GATAD2A: variants seen among roughly 807,000 people sequenced by gnomAD.
GATAD2A encodes the protein transcriptional repressor p66-alpha.
Under a neutral mutation model 68.5 loss-of-function variants are expected in GATAD2A, and 12 were observed. The observed-to-expected ratio is 0.18, with a 90% CI of 0.11 to 0.28. The LOEUF is 0.28. Among genes scored for constraint, GATAD2A ranks in the 10% least tolerant of loss-of-function variants. The pLI, the probability that GATAD2A is intolerant of heterozygous loss-of-function variation, is 1.00. For missense variants in GATAD2A, 755 were observed against 868.5 expected, an observed-to-expected ratio of 0.87 and a Z score of 1.64; for synonymous variants, 410 against 375.3, an observed-to-expected ratio of 1.09 and a Z score of -1.07.
In GATAD2A at chr19:19,466,466, C is replaced by T. The variant is rs554668882; in HGVS notation, c.269+852C>T. ...CTCACCGCCCACTGGAGTCTTCTCCCTGTGGAGGGCCTGTCTCTCCACGCC... is the reference window on the plus strand; with the variant it reads ...CTCACCGCCCACTGGAGTCTTCTCCTTGTGGAGGGCCTGTCTCTCCACGCC... On this transcript the variant is annotated intron_variant, in intron 2 of 11. Coordinates refer to ENST00000683918, the MANE Select transcript of GATAD2A (RefSeq NM_001384528.1). 4.6e-5 allele frequency among the ~76,000 whole-genome samples: 7 copies of T among 152,334 alleles called. No homozygotes were observed. The East Asian group carries it at 1.2e-3, about 25-fold the overall frequency.
At chr19:19,505,204 G>A in intron 11 of GATAD2A, 140 bp from the exon 12 acceptor site, 1 of 697,742 alleles carries the variant, frequency 1.4e-6, no homozygotes, top group Non-Finnish European at 2.5e-6. Context: ...CGTTGATTGA[G>A]GAGTAGTGTG....
chr19:19,490,907 A>G (rs759577630), intron 2 of GATAD2A, among the ~76,000 whole-genome samples: 3 of 152,148 alleles, frequency 2.0e-5, no homozygotes, highest in Admixed American at 6.5e-5. Flanking sequence ...AGAGAATACA[A>G]TGAACCCAGA....
intron 2 of GATAD2A, among the ~76,000 whole-genome samples, chr19:19,486,410 A>G (rs916968797): frequency 2.5e-4 from 38 of 152,192 alleles, no homozygotes; most frequent in Non-Finnish European, 4.6e-4. Flanking sequence ...TCAAGGTTGC[A>G]TCCTGTCAGA....
chr19:19,420,796 C>T (rs1400016604), intron 1 of GATAD2A, among the ~76,000 whole-genome samples: 1 of 151,886 alleles, frequency 6.6e-6, no homozygotes, highest in East Asian at 1.9e-4. Flanking sequence ...GATGACAGTC[C>T]CTCGTATGAG....
intron 1 of GATAD2A, among the ~76,000 whole-genome samples, chr19:19,388,058 C>T (rs756998): frequency 0.69 from 83,095 of 121,012 alleles, 24,986 homozygotes; most frequent in East Asian, 0.78. Flanking sequence ...GCTTCTCCTC[C>T]TTTTTTTTTT....
chr19:19,414,181 T>C (rs750807074), intron 1 of GATAD2A, among the ~76,000 whole-genome samples: 3 of 152,176 alleles, frequency 2.0e-5, no homozygotes, highest in Non-Finnish European at 4.4e-5. Context: ...TGCAGTCTTA[T>C]TGTTAGTTTG....
chr19:19,413,806 A>G (rs1412492936), intron 1 of GATAD2A, among the ~76,000 whole-genome samples: 2 of 152,070 alleles, frequency 1.3e-5, no homozygotes, highest in Non-Finnish European at 1.5e-5. Context: ...GCTGGTCTCG[A>G]ACTCCTGACC....
intron 2 of GATAD2A, among the ~76,000 whole-genome samples, chr19:19,484,138 T>G (rs1203298112): frequency 6.6e-6 from 1 of 152,098 alleles, no homozygotes; most frequent in African/African-American, 2.4e-5. Flanking sequence ...CACAAGATAT[T>G]GCCCGGACTG....
chr19:19,465,124 A>T (rs2057764982), intron 1 of GATAD2A, among the ~76,000 whole-genome samples: 1 of 152,212 alleles, frequency 6.6e-6, no homozygotes, highest in Admixed American at 6.5e-5. Flanking sequence ...TCAGCCACAC[A>T]GTGGAGGCTG....
chr19:19,407,947 G>A (rs149912060), intron 1 of GATAD2A, among the ~76,000 whole-genome samples: 61 of 152,282 alleles, frequency 4.0e-4, no homozygotes, highest in African/African-American at 1.3e-3. Context: ...TATGAAGATT[G>A]CTTCTCATCT....
At chr19:19,421,052 G>A (rs1027593720) in intron 1 of GATAD2A, among the ~76,000 whole-genome samples, 2 of 152,196 alleles carry the variant, frequency 1.3e-5, no homozygotes, top group East Asian at 3.9e-4. Context: ...AACTTTCTCC[G>A]TTGAGGGTCA....
At chr19:19,471,963 G>A (rs1242243806) in intron 2 of GATAD2A, among the ~76,000 whole-genome samples, 2 of 152,238 alleles carry the variant, frequency 1.3e-5, no homozygotes, top group East Asian at 1.9e-4. Context: ...TGGTGCAGTC[G>A]TAGCTCACTG....
chr19:19,420,487 A>G (rs1424352982), intron 1 of GATAD2A, among the ~76,000 whole-genome samples: 1 of 141,666 alleles, frequency 7.1e-6, no homozygotes, highest in Non-Finnish European at 1.5e-5. Flanking sequence ...GCCCGCCACC[A>G]CGCCTGGCCA....
intron 2 of GATAD2A, among the ~76,000 whole-genome samples, chr19:19,484,087 A>G (rs2059248401): frequency 6.6e-6 from 1 of 152,130 alleles, no homozygotes; most frequent in South Asian, 2.1e-4. Flanking sequence ...GAATGCTGCC[A>G]GAATTGTATG....
chr19:19,505,558 C>G lies in GATAD2A; in HGVS notation c.*84C>G. 1 of 1,279,660 alleles carries G rather than the reference C, an allele frequency of 7.8e-7. No homozygotes were observed. Among genetic ancestry groups the G allele is most frequent in the Non-Finnish European group, 1.1e-6 (1 of 943,608 alleles). 79.3% of individuals were successfully genotyped at this position (1,279,660 alleles called of 1,614,324 possible). A position where few individuals can be genotyped will look rare whatever the true frequency, so the allele number is the denominator to read the frequency against. On this transcript the variant is annotated 3_prime_UTR_variant, in exon 12 of 12. Coordinates refer to ENST00000683918, the MANE Select transcript of GATAD2A (RefSeq NM_001384528.1). ...GAAGGACCCACTGCACCACCCTCCG[C>G]TGGCTCGGGAAGACACCGTGCCCGC...
chr19:19,448,971 C>T lies in GATAD2A; in HGVS notation c.-6-16369C>T, dbSNP rs572485619. Among the ~76,000 whole-genome samples the T allele has an allele frequency of 2.0e-5, 3 of 152,250 alleles. No individual in the cohort carries two copies. In the South Asian group the frequency reaches 6.2e-4, roughly 32 times the overall value. ...GCAGCTAATTGTGATCCTTGTGGGGCTCTTTCATGGCCAGTGTGTGGACAC... is the reference window on the plus strand; with the variant it reads ...GCAGCTAATTGTGATCCTTGTGGGGTTCTTTCATGGCCAGTGTGTGGACAC... On this transcript the variant is annotated intron_variant, in intron 1 of 11. Transcript: ENST00000683918.
At chr19:19,437,930 GTA>G (rs1169032383) in intron 1 of GATAD2A, among the ~76,000 whole-genome samples, 1 of 152,162 alleles carries the variant, frequency 6.6e-6, no homozygotes, top group Admixed American at 6.5e-5. Flanking sequence ...GTTCTTCTTA[GTA>G]TATACTTAGG....
At chr19:19,499,476 C>T (rs1317184159) in intron 8 of GATAD2A, among the ~76,000 whole-genome samples, 1 of 151,530 alleles carries the variant, frequency 6.6e-6, no homozygotes, top group Admixed American at 6.6e-5. Context: ...AGCCTCAGAG[C>T]CTTCCCAGCA....
intron 1 of GATAD2A, among the ~76,000 whole-genome samples, chr19:19,421,869 G>A (rs1197076596): frequency 6.6e-6 from 1 of 151,446 alleles, no homozygotes; most frequent in East Asian, 1.9e-4. Context: ...CCCAGGCTGG[G>A]AGTGTGCAGT....
Sources: gnomAD v4.1 joint callset for allele counts (sites outside exome capture counted in the v4.1 genomes callset) on GRCh38, gnomAD v4.1.1 for gene constraint, MANE v1.5 for transcripts, NCBI Gene and HGNC (gene_info 2026-07-23, HGNC 2026-07-21) for gene names.